The following NIN variants were observed in gnomAD, a reference collection of about 807,000 sequenced individuals.
NIN encodes the protein ninein, also known as glycogen synthase kinase 3 beta-interacting protein.
Under a neutral mutation model 257.6 loss-of-function variants are expected in NIN, and 137 were observed. The observed-to-expected ratio is 0.53, with a 90% CI of 0.46 to 0.61. The LOEUF (loss-of-function observed/expected upper bound fraction) is 0.61, where lower values mean the gene tolerates loss of function less well. Among genes scored for constraint, NIN ranks in the 20% least tolerant of loss-of-function variants. The pLI is 0.00. For missense variants in NIN, 2,439 were observed against 2,501.2 expected, an observed-to-expected ratio of 0.98 and a Z score of 0.53; for synonymous variants, 918 against 919.8, an observed-to-expected ratio of 1.00 and a Z score of 0.04.
chr14:50,727,855 C>G (rs1029389721), intron 29 of NIN: 1 of 900,512 alleles, frequency 1.1e-6, no homozygotes, highest in Non-Finnish European at 1.7e-6. Context: ...TTTAAAAGCA[C>G]ACACATTAAC....
chr14:50,779,243 T>C (rs972703115), intron 5 of NIN, among the ~76,000 whole-genome samples: 4 of 152,206 alleles, frequency 2.6e-5, no homozygotes, highest in African/African-American at 9.6e-5. Flanking sequence ...TGAACAACCA[T>C]GAACAGGACA....
intron 25 of NIN, among the ~76,000 whole-genome samples, chr14:50,739,847 G>T (rs937624045): frequency 6.6e-6 from 1 of 152,196 alleles, no homozygotes; most frequent in Non-Finnish European, 1.5e-5. Context: ...TTATCTTTAA[G>T]CCCAGAAGAT....
At chr14:50,746,772 T>C (rs1440347157) in intron 22 of NIN, among the ~76,000 whole-genome samples, 1 of 152,258 alleles carries the variant, frequency 6.6e-6, no homozygotes, top group East Asian at 1.9e-4. Flanking sequence ...AAATTGTTTT[T>C]TTCCAACAAT....
intron 22 of NIN, among the ~76,000 whole-genome samples, chr14:50,746,750 T>A (rs1400316690): frequency 6.6e-6 from 1 of 152,146 alleles, no homozygotes; most frequent in Non-Finnish European, 1.5e-5. Context: ...AACAGGACAA[T>A]GTTTAGGATG....
In NIN at chr14:50,821,957, T is replaced by C. The variant is rs1566883662; in HGVS notation, c.100A>G (p.Thr34Ala). The change falls in exon 3 of 31, where the codon ACC becomes GCC. Residue 34 changes from threonine (T) to alanine (A), a missense_variant. Transcript: ENST00000530997. ...AAGCTCAACATGTGGCAAAGGTCGG[T>C]GAGTTCCTCCTGCCCCAGGGACCCT... ...GTGSLGQEEL[T>A]DLCHMLSLEE... 5.0e-6 allele frequency: 8 copies of C among 1,614,184 alleles called. No individual in the cohort carries two copies. Among genetic ancestry groups the C allele is most frequent in the Non-Finnish European group, 5.9e-6 (7 of 1,180,032 alleles).
intron 5 of NIN, among the ~76,000 whole-genome samples, chr14:50,783,111 G>C (rs2043200680): frequency 6.6e-6 from 1 of 152,174 alleles, no homozygotes; most frequent in African/African-American, 2.4e-5. Flanking sequence ...CTACTTTTAA[G>C]ACGGAGTCTC....
intron 22 of NIN, among the ~76,000 whole-genome samples, chr14:50,747,592 G>C (rs1332439986): frequency 2.6e-5 from 4 of 152,044 alleles, no homozygotes; most frequent in Non-Finnish European, 5.9e-5. Flanking sequence ...AAATTATCTG[G>C]GCGTGGTGAT....
chr14:50,741,485 T>G, intron 25 of NIN, 97 bp downstream of exon 25: 2 of 916,552 alleles, frequency 2.2e-6, no homozygotes, highest in Non-Finnish European at 3.3e-6. Flanking sequence ...CATATTTATA[T>G]GTACATACAT....
intron 3 of NIN, among the ~76,000 whole-genome samples, chr14:50,818,953 C>T (rs2045067394): frequency 6.6e-6 from 1 of 150,748 alleles, no homozygotes; most frequent in Non-Finnish European, 1.5e-5. Flanking sequence ...AATAAATACA[C>T]AATGTTTGCA....
chr14:50,795,778 C>T (rs2043811385), intron 4 of NIN, among the ~76,000 whole-genome samples: 1 of 152,154 alleles, frequency 6.6e-6, no homozygotes, highest in South Asian at 2.1e-4. Flanking sequence ...CAAGAAGGGA[C>T]ATGAAATGCC....
intron 12 of NIN, 30 bp downstream of exon 12, chr14:50,770,358 C>T (rs754778709): frequency 1.4e-5 from 23 of 1,604,910 alleles, no homozygotes; most frequent in East Asian, 2.2e-5. Flanking sequence ...CCGGCAGGGA[C>T]GCAGACCACA....
chr14:50,747,932 A>C, intron 22 of NIN, 60 bp downstream of exon 22: 1 of 1,126,182 alleles, frequency 8.9e-7, no homozygotes, highest in Non-Finnish European at 1.3e-6. Flanking sequence ...TACCAGCCCA[A>C]CAGGAGCCCA....
chr14:50,816,797 G>A (rs2064801067), intron 3 of NIN, among the ~76,000 whole-genome samples: 1 of 152,172 alleles, frequency 6.6e-6, no homozygotes, highest in African/African-American at 2.4e-5. Context: ...CAGGTCGGTA[G>A]AAGAGAATGG....
Position 50,752,725 on chromosome 14 carries a change from T to G in NIN, c.4743A>C (p.Glu1581Asp). ...CCAATTGTTGGTTTTTGATTTTTAA[T>G]TCTGAAATCTAATTAAAATTAAAAT... ...MVENLKKQIS[E>D]LKIKNQQLDL... The change falls in exon 21 of 31, where the codon GAA becomes GAC. Residue 1581 changes from glutamate to aspartate, a missense_variant. Physicochemically the swap from Glu to Asp is conservative, Grantham distance 45 (BLOSUM62 2). Coordinates refer to ENST00000530997, the MANE Select transcript of NIN (RefSeq NM_020921.4). The G allele has an allele frequency of 6.4e-7, 1 of 1,558,306 alleles. No individual in the cohort carries two copies. The highest frequency in any genetic ancestry group is 8.7e-7 in the Non-Finnish European group (1 of 1,144,566).
intron 3 of NIN, among the ~76,000 whole-genome samples, chr14:50,813,076 G>A (rs965725430): frequency 6.6e-6 from 1 of 152,194 alleles, no homozygotes; most frequent in Non-Finnish European, 1.5e-5. Flanking sequence ...TTCCATCAAT[G>A]CTCATGAATA....
intron 3 of NIN, among the ~76,000 whole-genome samples, chr14:50,817,585 G>A (rs1474706682): frequency 2.6e-5 from 4 of 152,148 alleles, no homozygotes; most frequent in Non-Finnish European, 5.9e-5. Flanking sequence ...TGGTGATTCT[G>A]CTGCCTGGAG....
At chr14:50,802,643 G>A (rs771483359) in intron 4 of NIN, among the ~76,000 whole-genome samples, 18 of 152,184 alleles carry the variant, frequency 1.2e-4, no homozygotes, top group Non-Finnish European at 2.9e-5. Context: ...ATTCTTCATA[G>A]ATATGGATAA....
In NIN at chr14:50,729,566, T is replaced by A. The variant is rs748731088; in HGVS notation, c.6035A>T (p.Gln2012Leu). ...GGAGGTCCTGTTTTCAAGTTCCTCC[T>A]GCAGGTGCTGGTTTATCCTTTCTGC... is the stretch of plus-strand genomic sequence containing the variant. ...LQAERINQHL[Q>L]EELENRTSET... Residue 2012 changes from glutamine to leucine, a missense_variant, in exon 29 of 31, where the codon CAG (glutamine) becomes CTG (leucine). By Grantham distance (113) the Gln-to-Leu change is moderately radical. Around this residue, in one of 3 missense-constraint regions of NIN, gnomAD observed 2,043 missense variants for 2,050.2 expected, o/e 1.00. Transcript: ENST00000530997. 7.4e-6 allele frequency: 12 copies of A among 1,614,136 alleles called. No homozygotes were observed. The South Asian group carries it at 1.2e-4, about 16-fold the overall frequency.
intron 22 of NIN, among the ~76,000 whole-genome samples, chr14:50,745,974 C>T (rs535568383): frequency 2.1e-4 from 32 of 151,232 alleles, no homozygotes; most frequent in Non-Finnish European, 3.7e-4. Flanking sequence ...AAACAACTTT[C>T]TACCAAAGGC....
Sources: gnomAD v4.1 joint callset for allele counts (sites outside exome capture counted in the v4.1 genomes callset) on GRCh38, gnomAD v4.1.1 for gene constraint, gnomAD v4.1.1 regional missense constraint, MANE v1.5 for transcripts, NCBI Gene and HGNC (gene_info 2026-07-23, HGNC 2026-07-21) for gene names.